PPP2R3A: variants seen among roughly 807,000 people sequenced by gnomAD.
PPP2R3A encodes the protein serine/threonine-protein phosphatase 2A regulatory subunit B'' subunit alpha.
PPP2R3A carries 80 observed loss-of-function variants against 106.9 expected under a neutral mutation model. The ratio of observed to expected loss-of-function variants is 0.75; its 90% CI spans 0.62 to 0.90. The LOEUF is 0.90. Ranked by LOEUF, PPP2R3A falls within the 40% of genes least tolerant of loss-of-function variation. The pLI, the probability that PPP2R3A is intolerant of heterozygous loss-of-function variation, is 0.00. For missense variants in PPP2R3A, 1,386 were observed against 1,350.4 expected (o/e 1.03, Z -0.41); for synonymous variants, 483 against 468.3 (o/e 1.03, Z -0.41).
chr3:135,988,407 A>G (rs1369870740), intron 1 of PPP2R3A, among the ~76,000 whole-genome samples: 2 of 152,196 alleles, frequency 1.3e-5, no homozygotes, highest in East Asian at 3.9e-4. Context: ...CCAAGCCAGC[A>G]TCATCTTTTG....
rs187731419 is a variant in PPP2R3A at position 136,089,833 on chromosome 3, G to C, written c.2838-745G>C. Among the ~76,000 whole-genome samples, 8 of 152,116 alleles carry C rather than the reference G, an allele frequency of 5.3e-5. No homozygotes were observed. In the East Asian group the frequency reaches 1.2e-3, roughly 22 times the overall value. On this transcript the variant is annotated intron_variant, in intron 9 of 13. Coordinates refer to ENST00000264977, the MANE Select transcript of PPP2R3A (RefSeq NM_002718.5). ...AGATTTTTCACCTCCTTGGTTAGCT[G>C]TATTCCTAGGTATTTTATTTTGTGT...
rs553919633 is a variant in PPP2R3A, at chr3:136,075,652, A to G, written c.2545-2715A>G. Among the ~76,000 whole-genome samples, 139 of 152,324 alleles carry G rather than the reference A, an allele frequency of 9.1e-4. 1 individual carries two copies. The highest frequency in any genetic ancestry group is 3.1e-3 in the African/African-American group (130 of 41,578). ...AGAGGAGAAAAATAAGCACGAATGGATACAGATTATAAAGTTTTATAATTT... is the reference window on the plus strand; with the variant it reads ...AGAGGAGAAAAATAAGCACGAATGGGTACAGATTATAAAGTTTTATAATTT... On this transcript the variant is annotated intron_variant, in intron 6 of 13. Transcript: ENST00000264977.
chr3:136,050,296 C>T (rs1254791186), intron 5 of PPP2R3A, among the ~76,000 whole-genome samples: 5 of 152,158 alleles, frequency 3.3e-5, no homozygotes, highest in African/African-American at 1.2e-4. Flanking sequence ...AAGGATAAGT[C>T]TCAGACCTGA....
At chr3:136,071,396 A>G (rs555883705) in intron 6 of PPP2R3A, among the ~76,000 whole-genome samples, 3 of 152,334 alleles carry the variant, frequency 2.0e-5, no homozygotes, top group Non-Finnish European at 2.9e-5. Context: ...GTGCTTTTGC[A>G]TTGGCTCTCT....
At chr3:135,995,865 A>G (rs1330453236) in intron 1 of PPP2R3A, among the ~76,000 whole-genome samples, 1 of 152,228 alleles carries the variant, frequency 6.6e-6, no homozygotes. Flanking sequence ...AATTTCATCT[A>G]TTCGGATTCA....
intron 2 of PPP2R3A, among the ~76,000 whole-genome samples, chr3:136,004,116 A>T (rs1159365187): frequency 6.6e-6 from 1 of 152,240 alleles, no homozygotes; most frequent in African/African-American, 2.4e-5. Context: ...GTAAGATTTG[A>T]TTCTCCAGGC....
At chr3:136,084,025 G>C (rs887174748) in intron 8 of PPP2R3A, among the ~76,000 whole-genome samples, 2 of 152,226 alleles carry the variant, frequency 1.3e-5, no homozygotes, top group Non-Finnish European at 2.9e-5. Context: ...CCCATTTTCC[G>C]GGGAGAAATT....
intron 10 of PPP2R3A, among the ~76,000 whole-genome samples, chr3:136,096,807 C>T (rs967371380): frequency 1.3e-5 from 2 of 152,096 alleles, no homozygotes. Context: ...AAGGAAAGGA[C>T]AAGAAGTAAT....
intron 2 of PPP2R3A, among the ~76,000 whole-genome samples, chr3:136,005,416 C>T (rs1219108460): frequency 2.0e-5 from 3 of 152,116 alleles, no homozygotes; most frequent in Non-Finnish European, 2.9e-5. Flanking sequence ...TCACTAGCAA[C>T]ACTAAAGTTT....
chr3:136,143,539 C>G (rs1035414631), intron 13 of PPP2R3A, among the ~76,000 whole-genome samples: 4 of 151,958 alleles, frequency 2.6e-5, no homozygotes, highest in Non-Finnish European at 4.4e-5. Context: ...CCTGTAATCC[C>G]AGCATTTTGG....
chr3:136,085,021 G>T (rs1936886270), intron 8 of PPP2R3A, among the ~76,000 whole-genome samples: 1 of 152,174 alleles, frequency 6.6e-6, no homozygotes, highest in Admixed American at 6.5e-5. Flanking sequence ...ATGCTAAAAT[G>T]AGTTAAGACT....
intron 13 of PPP2R3A, among the ~76,000 whole-genome samples, 154 bp from the exon 14 acceptor site, chr3:136,144,889 T>TG (rs1939046481): frequency 6.6e-6 from 1 of 152,216 alleles, no homozygotes; most frequent in Non-Finnish European, 1.5e-5. Context: ...TCTAGAGTGT[T>TG]GCCTCCTTCA....
At chr3:135,970,008 T>C (rs551938951) in intron 1 of PPP2R3A, among the ~76,000 whole-genome samples, 1 of 152,344 alleles carries the variant, frequency 6.6e-6, no homozygotes, top group South Asian at 2.1e-4. Flanking sequence ...GAAGAGAGCA[T>C]AGAACAGTGT....
chr3:135,994,326 C>T lies in PPP2R3A; in HGVS notation c.-440-6733C>T, dbSNP rs552783386. On this transcript the variant is annotated intron_variant, in intron 1 of 13. Coordinates refer to ENST00000264977, the MANE Select transcript of PPP2R3A (RefSeq NM_002718.5). ...CCTTTACCACCGTCTTTGTCTGATGCCCCTGATGTTGGTGCTTTTCTGTTT... is the reference window on the plus strand; with the variant it reads ...CCTTTACCACCGTCTTTGTCTGATGTCCCTGATGTTGGTGCTTTTCTGTTT... 1.2e-4 allele frequency among the ~76,000 whole-genome samples: 18 copies of T among 152,264 alleles called. 1 individual carries two copies. The South Asian group carries it at 3.3e-3, about 28-fold the overall frequency.
At chr3:136,118,644 A>G (rs1022132346) in intron 13 of PPP2R3A, among the ~76,000 whole-genome samples, 1 of 152,226 alleles carries the variant, frequency 6.6e-6, no homozygotes, top group East Asian at 1.9e-4. Context: ...CAAAGAGAAT[A>G]AAATTCCTGG....
chr3:136,061,996 G>A (rs1439994283), intron 5 of PPP2R3A, among the ~76,000 whole-genome samples: 11 of 149,928 alleles, frequency 7.3e-5, no homozygotes, highest in Admixed American at 7.3e-4. Flanking sequence ...GCATAAACAT[G>A]TCCTTGAAGT....
chr3:136,072,799 A>T (rs980645894), intron 6 of PPP2R3A, among the ~76,000 whole-genome samples: 1 of 152,258 alleles, frequency 6.6e-6, no homozygotes, highest in Non-Finnish European at 1.5e-5. Flanking sequence ...ATATTAAAGA[A>T]CAAAAGAGTA....
At chr3:136,047,453 T>G (rs749788866) in intron 4 of PPP2R3A, among the ~76,000 whole-genome samples, 1 of 152,222 alleles carries the variant, frequency 6.6e-6, no homozygotes, top group Non-Finnish European at 1.5e-5. Context: ...CATGGACTAC[T>G]AAGCAGCCGT....
At chr3:135,968,448 C>A (rs1397255330) in intron 1 of PPP2R3A, among the ~76,000 whole-genome samples, 3 of 152,090 alleles carry the variant, frequency 2.0e-5, no homozygotes, top group African/African-American at 7.2e-5. Context: ...GAACAATATT[C>A]CGGGCAGAAG....
Sources: allele counts gnomAD v4.1 joint callset (sites outside exome capture counted in the v4.1 genomes callset), GRCh38; gene constraint gnomAD v4.1.1; transcripts MANE v1.5; gene names NCBI Gene and HGNC (gene_info 2026-07-23, HGNC 2026-07-21).